The following SIK2 variants were observed in gnomAD, a reference collection of about 807,000 sequenced individuals.
The protein encoded by SIK2 is serine/threonine-protein kinase SIK2.
SIK2 carries 29 observed loss-of-function variants against 103.2 expected under a neutral mutation model. The ratio of observed to expected loss-of-function variants is 0.28; its 90% confidence interval spans 0.21 to 0.38. The LOEUF (loss-of-function observed/expected upper bound fraction) is 0.38, where lower values mean the gene tolerates loss of function less well. Among genes scored for constraint, SIK2 ranks in the 10% least tolerant of loss-of-function variants. SIK2 has a pLI of 1.00. For synonymous variants in SIK2, 412 were observed against 446.1 expected (o/e 0.92, Z 0.96); for missense variants, 879 against 1,171.0 (o/e 0.75, Z 3.64).
chr11:111,703,323 A>G lies in SIK2; in HGVS notation c.848A>G (p.Tyr283Cys), dbSNP rs1943260766. The change falls in exon 7 of 15, where the codon TAT becomes TGT. Residue 283 changes from tyrosine (Y) to cysteine (C), a missense_variant. This residue lies in a region of SIK2 where 99 missense variants were observed against 153.9 expected (regional missense o/e 0.64). Coordinates refer to ENST00000304987, the MANE Select transcript of SIK2 (RefSeq NM_015191.3). The stretch of plus-strand genomic sequence containing the variant: ...GTTCCTGTCCAGAGACCTGTTCTCT[A>G]TCCACAAGAGCAAGAAAATGAGCCA... ...IEVPVQRPVL[Y>C]PQEQENEPSI... The G allele has an allele frequency of 1.2e-6, 2 of 1,614,214 alleles. No individual in the cohort carries two copies. Among genetic ancestry groups the G allele is most frequent in the African/African-American group, 1.3e-5 (1 of 75,072 alleles).
intron 3 of SIK2, among the ~76,000 whole-genome samples, chr11:111,661,793 C>T (rs1481199640): frequency 6.6e-6 from 1 of 152,098 alleles, no homozygotes; most frequent in Non-Finnish European, 1.5e-5. Flanking sequence ...GAGGAACTGC[C>T]CTTTATAAAA....
At chr11:111,702,890 G>A (rs552798077) in intron 6 of SIK2, among the ~76,000 whole-genome samples, 1 of 147,012 alleles carries the variant, frequency 6.8e-6, no homozygotes, top group African/African-American at 2.5e-5. Flanking sequence ...TTCTAGGAAT[G>A]AGGCTTATTT....
chr11:111,654,751 G>T (rs1286624615), intron 3 of SIK2, among the ~76,000 whole-genome samples: 1 of 152,116 alleles, frequency 6.6e-6, no homozygotes, highest in Non-Finnish European at 1.5e-5. Flanking sequence ...CTTCTCCTCA[G>T]TCTTAACCAT....
At chr11:111,683,794 A>G (rs1591614420) in intron 3 of SIK2, among the ~76,000 whole-genome samples, 1 of 152,218 alleles carries the variant, frequency 6.6e-6, no homozygotes, top group Non-Finnish European at 1.5e-5. Flanking sequence ...TGCTTTTTGT[A>G]TGTTAACTTC....
At position 111,729,682 on chromosome 11, in the gene SIK2, A is replaced by G. The variant is rs756598513; in HGVS notation, c.*5553A>G. ...AAACAGCTGTATAAACAAAGCCCCCATTTTGGTCAAGCACAGGGTGAATGT... is the reference window on the plus strand; with the variant it reads ...AAACAGCTGTATAAACAAAGCCCCCGTTTTGGTCAAGCACAGGGTGAATGT... On this transcript the variant is annotated 3_prime_UTR_variant, in exon 15 of 15. Transcript: ENST00000304987. The G allele has an allele frequency of 6.6e-6, 1 of 152,160 alleles. No homozygotes were observed. Among genetic ancestry groups the G allele is most frequent in the Non-Finnish European group, 1.5e-5 (1 of 68,046 alleles). The allele number at this position is 152,160 out of a possible 1,614,324, so 9.4% of individuals were successfully genotyped here.
At chr11:111,702,686 T>C (rs17113200) in intron 6 of SIK2, among the ~76,000 whole-genome samples, 1,991 of 152,296 alleles carry the variant, frequency 0.013, 44 homozygotes, top group African/African-American at 0.046. Flanking sequence ...GCTCAGAGAA[T>C]ATGCTAGTGC....
intron 3 of SIK2, among the ~76,000 whole-genome samples, chr11:111,658,271 C>T (rs915251099): frequency 6.6e-5 from 10 of 151,952 alleles, no homozygotes; most frequent in Non-Finnish European, 1.3e-4. Context: ...ACTACAGGTA[C>T]GCACCACCAC....
intron 3 of SIK2, among the ~76,000 whole-genome samples, chr11:111,650,380 C>T (rs565985617): frequency 1.3e-4 from 20 of 152,132 alleles, no homozygotes; most frequent in Non-Finnish European, 2.6e-4. Flanking sequence ...GAATTTCAAC[C>T]TCTGCATTAA....
At chr11:111,721,162 G>A in intron 12 of SIK2, 100 bp downstream of exon 12, 1 of 1,379,806 alleles carries the variant, frequency 7.2e-7, no homozygotes, top group East Asian at 2.4e-5. Context: ...CTCCAGTCCT[G>A]GAGCAAACAG....
At chr11:111,670,552 A>G (rs933942706) in intron 3 of SIK2, among the ~76,000 whole-genome samples, 5 of 152,232 alleles carry the variant, frequency 3.3e-5, no homozygotes, top group African/African-American at 9.6e-5. Flanking sequence ...TGAATAGCAC[A>G]TGAGGTAAAC....
chr11:111,729,885 T>C lies in SIK2; in HGVS notation c.*5756T>C, dbSNP rs775198406. On this transcript the variant is annotated 3_prime_UTR_variant, in exon 15 of 15. Coordinates refer to ENST00000304987, the MANE Select transcript of SIK2 (RefSeq NM_015191.3). ...TCCAGTTAACTGCAGAAGTTTAGGC[T>C]CACCTCAAAGATGTCTAGTTTTTCC... 2.0e-5 allele frequency: 3 copies of C among 152,266 alleles called. No homozygotes were observed. Among genetic ancestry groups the C allele is most frequent in the Middle Eastern group, 3.2e-3 (1 of 316 alleles). 9.4% of individuals were successfully genotyped at this position (152,266 alleles called of 1,614,324 possible).
intron 9 of SIK2, among the ~76,000 whole-genome samples, chr11:111,714,020 C>A (rs538527665): frequency 1.3e-5 from 2 of 151,942 alleles, no homozygotes; most frequent in African/African-American, 4.8e-5. Context: ...TAAATCAGAA[C>A]GAGGCAGGGG....
intron 1 of SIK2, among the ~76,000 whole-genome samples, chr11:111,606,179 CTCT>C (rs1227886837): frequency 6.6e-6 from 1 of 151,958 alleles, no homozygotes; most frequent in Non-Finnish European, 1.5e-5. Context: ...AGTTTTTTGT[CTCT>C]TAAGTAAAAT....
intron 4 of SIK2, among the ~76,000 whole-genome samples, chr11:111,695,536 TTTAAATC>T (rs1943051827): frequency 6.6e-6 from 1 of 152,244 alleles, no homozygotes; most frequent in African/African-American, 2.4e-5. Flanking sequence ...TGACAAACTG[TTTAAATC>T]TTATGTATAT....
chr11:111,657,880 T>C (rs1942413338), intron 3 of SIK2, among the ~76,000 whole-genome samples: 1 of 151,818 alleles, frequency 6.6e-6, no homozygotes, highest in Non-Finnish European at 1.5e-5. Flanking sequence ...GAGGAGGAGA[T>C]GTAATAAGAA....
In SIK2 at chr11:111,602,581, C is replaced by A; in HGVS notation, c.18C>A (p.Gly6=). 6.5e-7 allele frequency: 1 copy of A among 1,529,208 alleles called. No individual in the cohort carries two copies. The allele number at this position is 1,529,208 out of a possible 1,614,324, so 94.7% of individuals were successfully genotyped here. A position where few individuals can be genotyped will look rare whatever the true frequency, so the allele number is the denominator to read the frequency against. Residue 6 remains glycine (G), a synonymous_variant, in exon 1 of 15, where the codon GGC becomes GGA. Coordinates refer to ENST00000304987, the MANE Select transcript of SIK2 (RefSeq NM_015191.3). The surrounding 1 kb of genome is among the most constrained non-coding windows in gnomAD (Gnocchi z 4.5). ...GGCCCAGCATGGTCATGGCGGATGGCCCGAGGCACTTGCAGCGCGGGCCGG... is the reference window on the plus strand; with the variant it reads ...GGCCCAGCATGGTCATGGCGGATGGACCGAGGCACTTGCAGCGCGGGCCGG... MVMAD[G]PRHLQRGPVR... is the part of the protein sequence containing the mutation.
rs147509265 is a variant in SIK2 at position 111,695,516 on chromosome 11, C to A, written c.479-5370C>A. ...ATTTAGCAAGTGTAATCTTTTGCAACAGTAAACATTGACAAACTGTTTAAA... is the reference window on the plus strand; with the variant it reads ...ATTTAGCAAGTGTAATCTTTTGCAAAAGTAAACATTGACAAACTGTTTAAA... On this transcript the variant is annotated intron_variant, in intron 4 of 14. Transcript: ENST00000304987. Among the ~76,000 whole-genome samples, 883 of 152,278 alleles carry A rather than the reference C, an allele frequency of 5.8e-3. 15 individuals are homozygous for A. The highest frequency in any genetic ancestry group is 7.0e-3 in the Non-Finnish European group (475 of 68,016).
At chr11:111,640,951 G>T in intron 3 of SIK2, among the ~76,000 whole-genome samples, 1 of 151,932 alleles carries the variant, frequency 6.6e-6, no homozygotes, top group East Asian at 1.9e-4. Context: ...AGACAGGATG[G>T]TCTGCAAATA....
chr11:111,658,272 G>A (rs968576815), intron 3 of SIK2, among the ~76,000 whole-genome samples: 1 of 151,752 alleles, frequency 6.6e-6, no homozygotes, highest in Admixed American at 6.6e-5. Flanking sequence ...CTACAGGTAC[G>A]CACCACCACG....
Sources: allele counts gnomAD v4.1 joint callset (sites outside exome capture counted in the v4.1 genomes callset), GRCh38; gene constraint gnomAD v4.1.1; regional missense constraint gnomAD v4.1.1; non-coding constraint Gnocchi (gnomAD v3.1); transcripts MANE v1.5; gene names NCBI Gene and HGNC (gene_info 2026-07-23, HGNC 2026-07-21).